Variants in RWDD3 observed in about 807,000 individuals in gnomAD.
RWDD3 encodes RWD domain-containing protein 3.
A neutral mutation model predicts 26.5 loss-of-function variants in RWDD3; 30 were observed. The ratio of observed to expected loss-of-function variants is 1.13; its 90% CI spans 0.85 to 1.54. The LOEUF (loss-of-function observed/expected upper bound fraction) is 1.54. Among genes scored for constraint, RWDD3 ranks in the 40% most tolerant of loss-of-function variants. RWDD3 has a pLI of 0.00. For missense variants in RWDD3, 296 were observed against 309.1 expected, an observed-to-expected ratio of 0.96 and a Z score of 0.32; for synonymous variants, 113 against 114.5, an observed-to-expected ratio of 0.99 and a Z score of 0.09.
rs531914667 is a variant in RWDD3, at chr1:95,240,106, A to C, written c.86-4105A>C. Reference sequence around the variant, plus strand: ...GGGCTCACCTGGGTAATCCAGGATAATACTCCCCTCTCGAAATCGTTAACT... The same window carrying C: ...GGGCTCACCTGGGTAATCCAGGATACTACTCCCCTCTCGAAATCGTTAACT... On this transcript the variant is annotated intron_variant, in intron 1 of 3. Coordinates refer to ENST00000370202, the MANE Select transcript of RWDD3 (RefSeq NM_015485.5). Among the ~76,000 whole-genome samples the C allele has an allele frequency of 3.3e-5, 5 of 152,288 alleles. No individual in the cohort carries two copies. The South Asian group carries it at 8.3e-4, about 25-fold the overall frequency.
chr1:95,244,869 A>G, intron 2 of RWDD3, 171 bp downstream of exon 2: 2 of 717,634 alleles, frequency 2.8e-6, no homozygotes, highest in Non-Finnish European at 4.3e-6. Context: ...TCTGACTGCT[A>G]ATTACAAGTA....
intron 1 of RWDD3, among the ~76,000 whole-genome samples, chr1:95,240,439 T>C (rs1680566436): frequency 6.6e-6 from 1 of 152,148 alleles, no homozygotes; most frequent in African/African-American, 2.4e-5. Flanking sequence ...ATAAAATAAG[T>C]TTGAAATACC....
chr1:95,238,374 T>C (rs907921410), intron 1 of RWDD3, among the ~76,000 whole-genome samples: 2 of 152,162 alleles, frequency 1.3e-5, no homozygotes, highest in Admixed American at 6.5e-5. Flanking sequence ...CTGACTTCTA[T>C]AAAACCGATG....
Position 95,244,456 on chromosome 1 carries a change from C to G in RWDD3, c.331C>G (p.Leu111Val). The G allele has an allele frequency of 6.2e-7, 1 of 1,614,216 alleles. No homozygotes were observed. Among genetic ancestry groups the G allele is most frequent in the Non-Finnish European group, 8.5e-7 (1 of 1,180,046 alleles). Reference protein sequence around the residue: ...HELVLWIQQNLRHILSQPETG... With the variant: ...HELVLWIQQNVRHILSQPETG... ...GCTGGTTCTCTGGATTCAGCAGAAT[C>G]TCAGGCATATCCTCAGCCAACCAGA... The change falls in exon 2 of 4, where the codon CTC (leucine) becomes GTC (valine). Residue 111 changes from leucine (L) to valine (V), a missense_variant. Leu to Val is a conservative substitution (Grantham distance 32). Transcript: ENST00000370202.
chr1:95,245,796 T>G (rs1328940839), intron 2 of RWDD3, among the ~76,000 whole-genome samples: 1 of 152,166 alleles, frequency 6.6e-6, no homozygotes, highest in Non-Finnish European at 1.5e-5. Flanking sequence ...AGATTTCTCT[T>G]TAAGCCAGCT....
At chr1:95,234,359 A>C in intron 1 of RWDD3, 44 bp downstream of exon 1, 2 of 1,537,326 alleles carry the variant, frequency 1.3e-6, no homozygotes, top group Non-Finnish European at 1.8e-6. Context: ...CTCAGGGGCC[A>C]CCCGCGTTCG....
intron 1 of RWDD3, among the ~76,000 whole-genome samples, chr1:95,240,179 C>T (rs938610250): frequency 2.0e-5 from 3 of 152,158 alleles, no homozygotes; most frequent in Non-Finnish European, 4.4e-5. Context: ...AGCGTATTCA[C>T]AGCTTCTGGG....
intron 2 of RWDD3, among the ~76,000 whole-genome samples, chr1:95,245,195 T>C (rs1029499255): frequency 4.6e-5 from 7 of 152,200 alleles, no homozygotes; most frequent in Non-Finnish European, 1.0e-4. Flanking sequence ...CGAGATTTCA[T>C]GTTAGTAGAA....
Position 95,246,557 on chromosome 1 carries a change from C to A in RWDD3, c.589C>A (p.Gln197Lys). ...RNNLKEYLIL[Q>K]KTSKVDVDSS... ...TATTATTTAGGAGTACTTGATTCTT[C>A]AGAAAACCTCCAAAGTAGATGTGGA... Residue 197 changes from glutamine (Q) to lysine (K), a missense_variant, in exon 3 of 4, where the codon CAG becomes AAG. Gln to Lys is a moderately conservative substitution (Grantham distance 53). Transcript: ENST00000370202. 6.2e-7 allele frequency: 1 copy of A among 1,603,624 alleles called. No homozygotes were observed. The highest frequency in any genetic ancestry group is 8.5e-7 in the Non-Finnish European group (1 of 1,171,782).
Position 95,244,625 on chromosome 1 carries a change from G to A in RWDD3, c.500G>A (p.Arg167Lys). 2 of 1,614,176 alleles carry A rather than the reference G, an allele frequency of 1.2e-6. No homozygotes were observed. The highest frequency in any genetic ancestry group is 2.2e-5 in the South Asian group (2 of 91,082). The change falls in exon 2 of 4, where the codon AGG becomes AAG. Residue 167 changes from arginine to lysine, a missense_variant. Physicochemically the swap from Arg to Lys is conservative, Grantham distance 26. Coordinates refer to ENST00000370202, the MANE Select transcript of RWDD3 (RefSeq NM_015485.5). Reference protein sequence around the residue: ...KIVEKWASDLRLTGRLMFMGK... With the variant: ...KIVEKWASDLKLTGRLMFMGK... Reference sequence around the variant, plus strand: ...GTGGAGAAGTGGGCTTCAGATTTAAGGCTGACAGGAAGACTGATGTTCATG... The same window carrying A: ...GTGGAGAAGTGGGCTTCAGATTTAAAGCTGACAGGAAGACTGATGTTCATG...
intron 1 of RWDD3, among the ~76,000 whole-genome samples, chr1:95,241,656 C>T (rs950181906): frequency 9.2e-5 from 14 of 152,154 alleles, no homozygotes; most frequent in Admixed American, 3.9e-4. Flanking sequence ...TGTGGGCATC[C>T]GACCCGCAGA....
chr1:95,240,112 C>T (rs532860645), intron 1 of RWDD3, among the ~76,000 whole-genome samples: 1 of 152,286 alleles, frequency 6.6e-6, no homozygotes, highest in African/African-American at 2.4e-5. Flanking sequence ...GATAATACTC[C>T]CCTCTCGAAA....
intron 1 of RWDD3, among the ~76,000 whole-genome samples, chr1:95,234,715 C>T (rs907185550): frequency 2.0e-5 from 3 of 151,954 alleles, no homozygotes; most frequent in Non-Finnish European, 4.4e-5. Context: ...AGAGCACTCC[C>T]CGGTTCTAAC....
chr1:95,234,562 C>T (rs1680200933), intron 1 of RWDD3, among the ~76,000 whole-genome samples: 1 of 152,060 alleles, frequency 6.6e-6, no homozygotes, highest in Non-Finnish European at 1.5e-5. Context: ...GGTCCCGCTC[C>T]CGGAGCCGGG....
rs1268259965 is a variant in RWDD3 at position 95,246,883 on chromosome 1, G to A, written c.*13G>A. ...TCTGGTAAAATGAAATGGAAGACAG[G>A]AATCTTTTAGTAAAATAGCAGTGTT... On this transcript the variant is annotated 3_prime_UTR_variant, in exon 4 of 4. Transcript: ENST00000370202. 3 of 1,424,524 alleles carry A rather than the reference G, an allele frequency of 2.1e-6. No individual in the cohort carries two copies. The highest frequency in any genetic ancestry group is 2.4e-5 in the East Asian group (1 of 40,990). 88.2% of individuals were successfully genotyped at this position (1,424,524 alleles called of 1,614,324 possible).
At chr1:95,234,615 C>G (rs1034556962) in intron 1 of RWDD3, among the ~76,000 whole-genome samples, 2 of 151,304 alleles carry the variant, frequency 1.3e-5, no homozygotes, top group Non-Finnish European at 3.0e-5. Flanking sequence ...CAGCCTCCCA[C>G]CCCTCAGATC....
chr1:95,236,838 T>C (rs1425908878), intron 1 of RWDD3, among the ~76,000 whole-genome samples: 2 of 152,120 alleles, frequency 1.3e-5, no homozygotes, highest in Non-Finnish European at 2.9e-5. Flanking sequence ...CTGGTAATGG[T>C]CTGGGTCATT....
chr1:95,246,938 G>A lies in RWDD3; in HGVS notation c.*68G>A. The A allele has an allele frequency of 1.1e-6, 1 of 876,600 alleles. No homozygotes were observed. The allele number at this position is 876,600 out of a possible 1,614,324, so 54.3% of individuals were successfully genotyped here. A position where few individuals can be genotyped will look rare whatever the true frequency, so the allele number is the denominator to read the frequency against. The stretch of plus-strand genomic sequence containing the variant: ...GTTGTTTTTGCATTGGATTTGGGGA[G>A]TGGTTAATTGAAATAGTCAATTTTA... On this transcript the variant is annotated 3_prime_UTR_variant, in exon 4 of 4. Transcript: ENST00000370202.
At chr1:95,244,727 A>C (rs762759972) in intron 2 of RWDD3, 29 bp downstream of exon 2, 1 of 1,597,808 alleles carries the variant, frequency 6.3e-7, no homozygotes, top group East Asian at 2.2e-5. Context: ...TTGAGTATGA[A>C]TCTGGCTATT....
Sources: gnomAD v4.1 joint callset for allele counts (sites outside exome capture counted in the v4.1 genomes callset) on GRCh38, gnomAD v4.1.1 for gene constraint, MANE v1.5 for transcripts, NCBI Gene and HGNC (gene_info 2026-07-23, HGNC 2026-07-21) for gene names.